The following RAB5A variants were observed in gnomAD, a reference collection of about 807,000 sequenced individuals.
RAB5A encodes the protein RAB5A, member RAS oncogene family.
Under a neutral mutation model 25.7 loss-of-function variants are expected in RAB5A, and 8 were observed. The ratio of observed to expected loss-of-function variants is 0.31; its 90% CI spans 0.18 to 0.56. The LOEUF (loss-of-function observed/expected upper bound fraction) is 0.56, where lower values mean the gene tolerates loss of function less well. RAB5A is among the 20% of genes least tolerant of loss of function. The pLI is 0.91. For synonymous variants in RAB5A, 98 were observed against 89.8 expected, an observed-to-expected ratio of 1.09 and a Z score of -0.52; for missense variants, 192 against 259.7, an observed-to-expected ratio of 0.74 and a Z score of 1.79.
rs549783564 is a variant in RAB5A at position 19,978,511 on chromosome 3, GTA to G, written c.532+110_532+111del. 404 of 697,948 alleles carry G rather than the reference GTA, an allele frequency of 5.8e-4. 3 individuals carry two copies. The African/African-American group carries it at 6.4e-3, about 11-fold the overall frequency. 43.2% of individuals were successfully genotyped at this position (697,948 alleles called of 1,614,324 possible). Reference sequence around the variant, plus strand: ...AAAATTTTTGGGGGTGGGTTTGTGTGTATGTTTATGTGTGTGTGTGAGAGAGA... The same window carrying G: ...AAAATTTTTGGGGGTGGGTTTGTGTGTGTTTATGTGTGTGTGTGAGAGAGA... On this transcript the variant is annotated intron_variant, in intron 5 of 5. Transcript: ENST00000273047.
At chr3:19,975,495 CG>C (rs1347822660) in intron 2 of RAB5A, 105 bp from the exon 3 acceptor site, 7 of 1,051,578 alleles carry the variant, frequency 6.7e-6, no homozygotes, top group African/African-American at 1.6e-5. Context: ...TACATACTTA[CG>C]GGGTACAGTG....
chr3:19,984,590 A>C lies in RAB5A; in HGVS notation c.*767A>C, dbSNP rs1445087709. 1 of 166,458 alleles carries C rather than the reference A, an allele frequency of 6.0e-6. No individual in the cohort carries two copies. The highest frequency in any genetic ancestry group is 1.3e-5 in the Non-Finnish European group (1 of 77,308). 10.3% of individuals were successfully genotyped at this position (166,458 alleles called of 1,614,324 possible). ...CTAATTAATCACCGCTGGCCATTAC[A>C]CAGGTTTTGTTGTTTGGGGTGGGGA... On this transcript the variant is annotated 3_prime_UTR_variant, in exon 6 of 6. Coordinates refer to ENST00000273047, the MANE Select transcript of RAB5A (RefSeq NM_004162.5).
At chr3:19,963,364 A>C (rs1038585760) in intron 2 of RAB5A, among the ~76,000 whole-genome samples, 2,628 of 60,050 alleles carry the variant, frequency 0.044, 2 homozygotes, top group East Asian at 0.12. Context: ...TTAGAATTTC[A>C]CCCCCCCCCC....
chr3:19,967,337 G>T (rs1402698953), intron 2 of RAB5A, among the ~76,000 whole-genome samples: 1 of 152,030 alleles, frequency 6.6e-6, no homozygotes, highest in Non-Finnish European at 1.5e-5. Flanking sequence ...TAGAGACAGG[G>T]TTTCGTCATT....
chr3:19,981,507 G>A (rs1168524344), intron 5 of RAB5A, among the ~76,000 whole-genome samples: 2 of 152,000 alleles, frequency 1.3e-5, no homozygotes, highest in African/African-American at 4.8e-5. Context: ...CCAGCTACTT[G>A]GGAGGCTGAG....
rs112026722 is a variant in RAB5A at position 19,956,757 on chromosome 3, G to T, written c.163+5696G>T. On this transcript the variant is annotated intron_variant, in intron 2 of 5. Coordinates refer to ENST00000273047, the MANE Select transcript of RAB5A (RefSeq NM_004162.5). ...ACCACAATGCCTGGCACAGTAAAAG[G>T]TTTATTAAATTATAGCTATTACAGT... 5.8e-3 allele frequency among the ~76,000 whole-genome samples: 876 copies of T among 152,206 alleles called. 6 individuals are homozygous for T. The highest frequency in any genetic ancestry group is 0.02 in the African/African-American group (834 of 41,526).
intron 2 of RAB5A, among the ~76,000 whole-genome samples, chr3:19,962,460 C>T (rs984674190): frequency 1.4e-5 from 1 of 70,244 alleles, no homozygotes; most frequent in East Asian, 2.2e-4. Flanking sequence ...CCCAGTTACT[C>T]GGGAAGGCTG....
rs1696415119 is a variant in RAB5A at position 19,951,029 on chromosome 3, A to G, written c.131A>G (p.Gln44Arg). The G allele has an allele frequency of 6.2e-7, 1 of 1,613,850 alleles. No homozygotes were observed. Among genetic ancestry groups the G allele is most frequent in the Non-Finnish European group, 8.5e-7 (1 of 1,179,912 alleles). The change falls in exon 2 of 6, where the codon CAA becomes CGA. Residue 44 changes from glutamine to arginine, a missense_variant. This residue lies in a region of RAB5A where 39 missense variants were observed against 91.6 expected (regional missense o/e 0.43). Coordinates refer to ENST00000273047, the MANE Select transcript of RAB5A (RefSeq NM_004162.5). ...CTAGTGCTTCGTTTTGTGAAAGGCC[A>G]ATTTCATGAATTTCAAGAGAGTACC... is the stretch of plus-strand genomic sequence containing the variant. ...SSLVLRFVKGQFHEFQESTIG... is the reference protein window; with the variant it reads ...SSLVLRFVKGRFHEFQESTIG...
At chr3:19,963,466 G>T (rs1206358148) in intron 2 of RAB5A, among the ~76,000 whole-genome samples, 1 of 142,722 alleles carries the variant, frequency 7.0e-6, no homozygotes, top group African/African-American at 2.6e-5. Context: ...AGGATCAAAA[G>T]AATTCTAATC....
chr3:19,979,748 T>C, intron 5 of RAB5A, among the ~76,000 whole-genome samples: 1 of 152,128 alleles, frequency 6.6e-6, no homozygotes, highest in East Asian at 1.9e-4. Context: ...TTTTAATGTA[T>C]AGATTCTACC....
rs1314236333 is a variant in RAB5A at position 19,949,510 on chromosome 3, GT to G, written c.-93-1295del. Among the ~76,000 whole-genome samples the G allele has an allele frequency of 5.9e-5, 9 of 152,228 alleles. No homozygotes were observed. In the South Asian group the frequency reaches 1.9e-3, roughly 32 times the overall value. On this transcript the variant is annotated intron_variant, in intron 1 of 5. Transcript: ENST00000273047. The stretch of plus-strand genomic sequence containing the variant: ...AGCCACTCTGTCCAGTGTGAAAGAC[GT>G]ATTTCTTATATGAGGTAGCTAAATG...
chr3:19,951,735 G>A (rs1353541858), intron 2 of RAB5A, among the ~76,000 whole-genome samples: 8 of 95,736 alleles, frequency 8.4e-5, no homozygotes, highest in Non-Finnish European at 1.1e-4. Context: ...TCAGAGTCTC[G>A]CTGTGTTTCC....
chr3:19,947,297 A>T lies in RAB5A; in HGVS notation c.-318A>T. 1 of 177,230 alleles carries T rather than the reference A, an allele frequency of 5.6e-6. No homozygotes were observed. Among genetic ancestry groups the T allele is most frequent in the Non-Finnish European group, 1.1e-5 (1 of 88,004 alleles). The allele number at this position is 177,230 out of a possible 1,614,324, so 11.0% of individuals were successfully genotyped here. ...GCGGCGGCGGCGGCGGAGGAGGAGA[A>T]AGGAAAGAGGAAGGGGGAGCGGCGA... is the stretch of plus-strand genomic sequence containing the variant. On this transcript the variant is annotated 5_prime_UTR_variant, in exon 1 of 6. Coordinates refer to ENST00000273047, the MANE Select transcript of RAB5A (RefSeq NM_004162.5).
intron 2 of RAB5A, among the ~76,000 whole-genome samples, chr3:19,961,286 T>C (rs976869527): frequency 1.3e-5 from 2 of 152,242 alleles, no homozygotes; most frequent in African/African-American, 4.8e-5. Flanking sequence ...AAGTATATGC[T>C]TGAAGTTTTG....
chr3:19,963,026 C>T (rs1301587645), intron 2 of RAB5A, among the ~76,000 whole-genome samples: 2 of 152,104 alleles, frequency 1.3e-5, no homozygotes, highest in East Asian at 1.9e-4. Context: ...CCAGGGTAGT[C>T]TCAAACTCCT....
Position 19,983,915 on chromosome 3 carries a change from C to T in RAB5A, c.*92C>T. ...CATTTAACCAGCCCAGTATGACTTCCAAAAGAAGAGACTTATGATAGAGTC... is the reference window on the plus strand; with the variant it reads ...CATTTAACCAGCCCAGTATGACTTCTAAAAGAAGAGACTTATGATAGAGTC... On this transcript the variant is annotated 3_prime_UTR_variant, in exon 6 of 6. Coordinates refer to ENST00000273047, the MANE Select transcript of RAB5A (RefSeq NM_004162.5). The T allele has an allele frequency of 1.2e-6, 1 of 830,838 alleles. No homozygotes were observed. Among genetic ancestry groups the T allele is most frequent in the Non-Finnish European group, 1.9e-6 (1 of 521,640 alleles). The allele number at this position is 830,838 out of a possible 1,614,324, so 51.5% of individuals were successfully genotyped here.
At chr3:19,962,076 G>C (rs1202541116) in intron 2 of RAB5A, among the ~76,000 whole-genome samples, 2 of 152,130 alleles carry the variant, frequency 1.3e-5, no homozygotes, top group African/African-American at 4.8e-5. Context: ...GCTGGCTATT[G>C]GTTGGGACCT....
Position 19,976,137 on chromosome 3 carries a change from G to A in RAB5A, c.406G>A (p.Asp136Asn), listed in dbSNP as rs749601586. 3.1e-6 allele frequency: 5 copies of A among 1,610,744 alleles called. No individual in the cohort carries two copies. The highest frequency in any genetic ancestry group is 1.3e-5 in the African/African-American group (1 of 74,866). Residue 136 changes from aspartate (D) to asparagine (N), a missense_variant, in exon 4 of 6, where the codon GAC (aspartate) becomes AAC (asparagine). By Grantham distance (23) the Asp-to-Asn change is conservative (BLOSUM62 1). This residue lies in a region of RAB5A where 121 missense variants were observed against 135.7 expected (regional missense o/e 0.89). Coordinates refer to ENST00000273047, the MANE Select transcript of RAB5A (RefSeq NM_004162.5). ...AATAGCTTTATCGGGAAACAAGGCC[G>A]ACCTAGCAAATAAAAGAGCAGTAGA... ...IVIALSGNKADLANKRAVDFQ... is the reference protein window; with the variant it reads ...IVIALSGNKANLANKRAVDFQ...
chr3:19,950,764 T>C, intron 1 of RAB5A, 42 bp from the exon 2 acceptor site: 1 of 853,290 alleles, frequency 1.2e-6, no homozygotes, highest in Non-Finnish European at 1.7e-6. Flanking sequence ...GTAAATTTGC[T>C]TTACTGATTT....
Sources: allele counts gnomAD v4.1 joint callset (sites outside exome capture counted in the v4.1 genomes callset), GRCh38; gene constraint gnomAD v4.1.1; regional missense constraint gnomAD v4.1.1; transcripts MANE v1.5; gene names NCBI Gene and HGNC (gene_info 2026-07-23, HGNC 2026-07-21).